The following EPAS1 variants were observed in gnomAD, a reference collection of about 807,000 sequenced individuals.
EPAS1 encodes endothelial PAS domain protein 1.
EPAS1 carries 23 observed loss-of-function variants against 87.9 expected under a neutral mutation model. The observed-to-expected ratio is 0.26, with a 90% confidence interval of 0.19 to 0.37. The LOEUF is 0.37. Among genes scored for constraint, EPAS1 ranks in the 10% least tolerant of loss-of-function variants. The probability of loss-of-function intolerance (pLI) is 1.00; values close to 1 mark genes in which losing one functional copy is unlikely to be tolerated. For synonymous variants in EPAS1, 508 were observed against 444.3 expected, an observed-to-expected ratio of 1.14 and a Z score of -1.80; for missense variants, 1,138 against 1,120.7, an observed-to-expected ratio of 1.02 and a Z score of -0.22.
At chr2:46,304,062 G>T (rs1024637775) in intron 1 of EPAS1, among the ~76,000 whole-genome samples, 1 of 152,190 alleles carries the variant, frequency 6.6e-6, no homozygotes, top group Non-Finnish European at 1.5e-5. Context: ...AAATGACTGT[G>T]AAAACAAATT....
chr2:46,331,279 G>A (rs1268865593), intron 1 of EPAS1, among the ~76,000 whole-genome samples: 3 of 152,186 alleles, frequency 2.0e-5, no homozygotes, highest in Non-Finnish European at 2.9e-5. Flanking sequence ...GTAGGGATCT[G>A]TCTTCCCTTC....
At chr2:46,332,305 TG>T (rs1437702234) in intron 1 of EPAS1, among the ~76,000 whole-genome samples, 75 of 121,902 alleles carry the variant, frequency 6.2e-4, no homozygotes, top group African/African-American at 2.6e-3. Context: ...TGTGTGTGTG[TG>T]TGTGTGTGTG....
intron 2 of EPAS1, among the ~76,000 whole-genome samples, chr2:46,350,461 G>A (rs1309754513): frequency 1.3e-5 from 2 of 152,344 alleles, no homozygotes; most frequent in South Asian, 2.1e-4. Context: ...AAACCTCAAC[G>A]TTGAGAAATT....
At chr2:46,333,437 G>A (rs1683726853) in intron 1 of EPAS1, among the ~76,000 whole-genome samples, 1 of 152,142 alleles carries the variant, frequency 6.6e-6, no homozygotes, top group Non-Finnish European at 1.5e-5. Context: ...GGAGACACCA[G>A]TGTAGGCTCG....
rs1684627752 is a variant in EPAS1 at position 46,371,554 on chromosome 2, C to T, written c.886+1621C>T. On this transcript the variant is annotated intron_variant, in intron 7 of 15. Transcript: ENST00000263734. The surrounding 1 kb of genome is among the most constrained non-coding windows in gnomAD (Gnocchi z 4.3). The stretch of plus-strand genomic sequence containing the variant: ...CAGAGATGGGGTAGGAGTGGAGGTA[C>T]TCTTTTATGCCTGTGAATGTGACCC... Among the ~76,000 whole-genome samples, 1 of 152,148 alleles carries T rather than the reference C, an allele frequency of 6.6e-6. No homozygotes were observed. The highest frequency in any genetic ancestry group is 1.5e-5 in the Non-Finnish European group (1 of 68,020).
intron 12 of EPAS1, 183 bp from the exon 13 acceptor site, chr2:46,381,413 A>G: frequency 1.1e-6 from 1 of 878,586 alleles, no homozygotes; most frequent in East Asian, 2.7e-5. Flanking sequence ...CTTATAGCTG[A>G]GGAAGGAGAC....
chr2:46,309,642 AT>A, intron 1 of EPAS1, among the ~76,000 whole-genome samples: 1 of 152,340 alleles, frequency 6.6e-6, no homozygotes. Context: ...GGGGCATTCC[AT>A]TTGAGGTGAA....
intron 1 of EPAS1, among the ~76,000 whole-genome samples, chr2:46,309,896 G>A (rs1461503232): frequency 1.3e-5 from 2 of 152,132 alleles, no homozygotes; most frequent in Non-Finnish European, 2.9e-5. Context: ...AGCTGCTCAG[G>A]GCATCTCCAT....
In EPAS1 at chr2:46,332,430, T is replaced by A. The variant is rs569871888; in HGVS notation, c.27-14443T>A. Among the ~76,000 whole-genome samples the A allele has an allele frequency of 1.9e-3, 284 of 152,048 alleles. 2 individuals are homozygous for A. Among genetic ancestry groups the A allele is most frequent in the South Asian group, 0.018 (88 of 4,810 alleles). On this transcript the variant is annotated intron_variant, in intron 1 of 15. Transcript: ENST00000263734. Reference sequence around the variant, plus strand: ...ATTTGCAGAAATCACTGACGGGACCTCAGTAGCAGAGATTCGCCATTAGCA... The same window carrying A: ...ATTTGCAGAAATCACTGACGGGACCACAGTAGCAGAGATTCGCCATTAGCA...
At chr2:46,370,164 G>T (rs764886065) in intron 7 of EPAS1, among the ~76,000 whole-genome samples, 1 of 152,212 alleles carries the variant, frequency 6.6e-6, no homozygotes, top group African/African-American at 2.4e-5. Flanking sequence ...AGATGCACCC[G>T]TGCCAAGGTG....
At position 46,371,816 on chromosome 2, in the gene EPAS1, T is replaced by G. The variant is rs1684632024; in HGVS notation, c.886+1883T>G. On this transcript the variant is annotated intron_variant, in intron 7 of 15. Transcript: ENST00000263734. The surrounding 1 kb of genome is among the most constrained non-coding windows in gnomAD (Gnocchi z 4.3). ...GTAAAACTGGGGAAAAGTCTAGCCT[T>G]CCTTCCAAGCTAAGGGTGAAGCCAA... Among the ~76,000 whole-genome samples the G allele has an allele frequency of 6.6e-6, 1 of 152,206 alleles. No individual in the cohort carries two copies. Among genetic ancestry groups the G allele is most frequent in the Non-Finnish European group, 1.5e-5 (1 of 68,034 alleles).
rs2103636252 is a variant in EPAS1, at chr2:46,360,743, C to T, written c.560C>T (p.Ser187Leu). ...AGAGGCCGTACTGTCAACCTCAAGT[C>T]AGCCACCTGGAAGGTAGGGCAACAT... ...TNRGRTVNLK[S>L]ATWKVLHCTG... Residue 187 changes from serine (S) to leucine (L), a missense_variant, in exon 5 of 16, where the codon TCA (serine) becomes TTA (leucine). Physicochemically the swap from Ser to Leu is moderately radical, Grantham distance 145. Transcript: ENST00000263734. This position sits in a 1 kb window ranked among gnomAD's most constrained non-coding sequence, Gnocchi z 4.5. The T allele has an allele frequency of 6.2e-7, 1 of 1,614,068 alleles. No individual in the cohort carries two copies. Among genetic ancestry groups the T allele is most frequent in the East Asian group, 2.2e-5 (1 of 44,884 alleles).
intron 1 of EPAS1, among the ~76,000 whole-genome samples, chr2:46,330,343 G>A (rs1037195717): frequency 4.6e-5 from 7 of 152,274 alleles, no homozygotes; most frequent in Admixed American, 3.9e-4. Flanking sequence ...CTTCCTACAC[G>A]TAGAGCTAGG....
At position 46,297,849 on chromosome 2, in the gene EPAS1, C is replaced by G; in HGVS notation, c.-63C>G. 6.4e-7 allele frequency: 1 copy of G among 1,571,234 alleles called. No individual in the cohort carries two copies. Among genetic ancestry groups the G allele is most frequent in the South Asian group, 1.1e-5 (1 of 87,732 alleles). The stretch of plus-strand genomic sequence containing the variant: ...CGCGGGGAGCGGACGAGGGCCACAG[C>G]CCCCCACCCGCCAGGGAGCCCAGGT... On this transcript the variant is annotated 5_prime_UTR_variant, in exon 1 of 16. Coordinates refer to ENST00000263734, the MANE Select transcript of EPAS1 (RefSeq NM_001430.5).
chr2:46,381,428 C>A, intron 12 of EPAS1, 168 bp from the exon 13 acceptor site: 1 of 1,022,386 alleles, frequency 9.8e-7, no homozygotes, highest in Non-Finnish European at 1.5e-6. Flanking sequence ...GGAGACAGAG[C>A]TCGAGCTCGG....
At chr2:46,350,235 G>A (rs1429951502) in intron 2 of EPAS1, among the ~76,000 whole-genome samples, 1 of 152,102 alleles carries the variant, frequency 6.6e-6, no homozygotes, top group East Asian at 1.9e-4. Context: ...ACTTTTCCAA[G>A]GCAAAACAAC....
At chr2:46,379,982 T>A in intron 11 of EPAS1, 3 of 614,768 alleles carry the variant, frequency 4.9e-6, no homozygotes, top group Admixed American at 2.6e-5. Context: ...GAGGAGAACA[T>A]TTCTCAATGT....
intron 1 of EPAS1, among the ~76,000 whole-genome samples, chr2:46,313,435 G>A (rs1226236800): frequency 8.0e-6 from 1 of 125,398 alleles, no homozygotes; most frequent in East Asian, 2.2e-4. Flanking sequence ...CTTCCCACAT[G>A]TTGTTATTTA....
At chr2:46,313,001 T>C (rs1019487115) in intron 1 of EPAS1, among the ~76,000 whole-genome samples, 5 of 152,344 alleles carry the variant, frequency 3.3e-5, no homozygotes, top group African/African-American at 1.2e-4. Context: ...TACTTGTTGC[T>C]TTGCATCTTA....
Sources: gnomAD v4.1 joint callset for allele counts (sites outside exome capture counted in the v4.1 genomes callset) on GRCh38, gnomAD v4.1.1 for gene constraint, Gnocchi (gnomAD v3.1) non-coding constraint, MANE v1.5 for transcripts, NCBI Gene and HGNC (gene_info 2026-07-23, HGNC 2026-07-21) for gene names.